Variants in FAM98B observed in about 807,000 individuals in gnomAD.
The protein encoded by FAM98B is tRNA splicing ligase complex subunit 3B, also known as tRNA-splicing ligase complex subunit FAM98B.
FAM98B carries 32 observed loss-of-function variants against 43.9 expected under a neutral mutation model. That is an observed-to-expected ratio of 0.73 (90% CI 0.55 to 0.98). The LOEUF (loss-of-function observed/expected upper bound fraction) is 0.98. FAM98B is among the 50% of genes least tolerant of loss of function. The pLI, the probability that FAM98B is intolerant of heterozygous loss-of-function variation, is 0.00. For missense variants in FAM98B, 514 were observed against 522.9 expected (o/e 0.98, Z 0.17); for synonymous variants, 190 against 174.0 (o/e 1.09, Z -0.72).
intron 4 of FAM98B, among the ~76,000 whole-genome samples, chr15:38,471,964 G>A (rs1236556577): frequency 6.6e-6 from 1 of 152,126 alleles, no homozygotes; most frequent in Non-Finnish European, 1.5e-5. Flanking sequence ...CCGTGGTTAT[G>A]GGTAATACAT....
chr15:38,481,553 T>A, intron 7 of FAM98B, 94 bp downstream of exon 7: 1 of 1,613,156 alleles, frequency 6.2e-7, no homozygotes, highest in Middle Eastern at 1.7e-4. Context: ...CATGTCCTGG[T>A]AAATGTTTAG....
chr15:38,474,216 G>T lies in FAM98B; in HGVS notation c.647G>T (p.Cys216Phe). The T allele has an allele frequency of 1.2e-6, 2 of 1,613,786 alleles. No individual in the cohort carries two copies. The highest frequency in any genetic ancestry group is 1.7e-6 in the Non-Finnish European group (2 of 1,179,776). ...QLERINDALS[C>F]EYECRRRMLM... is the part of the protein sequence containing the mutation. The stretch of plus-strand genomic sequence containing the variant: ...GAAAGAATCAATGATGCTCTTTCCT[G>T]TGAATATGAGTGCCGCCGACGAATG... The change falls in exon 6 of 8, where the codon TGT becomes TTT. Residue 216 changes from cysteine to phenylalanine, a missense_variant. Physicochemically the swap from Cys to Phe is radical, Grantham distance 205 (BLOSUM62 -2). Transcript: ENST00000397609.
chr15:38,457,715 C>G (rs1595795260), intron 1 of FAM98B, among the ~76,000 whole-genome samples: 1 of 152,156 alleles, frequency 6.6e-6, no homozygotes, highest in South Asian at 2.1e-4. Context: ...GAGAGGAAAA[C>G]TGAGCAAAGG....
chr15:38,469,295 G>A (rs1202908488), intron 3 of FAM98B, among the ~76,000 whole-genome samples: 1 of 152,152 alleles, frequency 6.6e-6, no homozygotes, highest in Admixed American at 6.5e-5. Context: ...CTTAAATATG[G>A]CTATTGAAAG....
At chr15:38,462,120 CTA>C (rs1232175026) in intron 1 of FAM98B, among the ~76,000 whole-genome samples, 1 of 150,734 alleles carries the variant, frequency 6.6e-6, no homozygotes, top group Non-Finnish European at 1.5e-5. Flanking sequence ...GATCTCTACT[CTA>C]TGTAAATGTA....
intron 1 of FAM98B, among the ~76,000 whole-genome samples, chr15:38,461,898 G>A (rs1281028277): frequency 6.6e-6 from 1 of 152,032 alleles, no homozygotes; most frequent in Non-Finnish European, 1.5e-5. Flanking sequence ...ATCTGGCAAA[G>A]TTATGTATCT....
chr15:38,471,050 G>A (rs1283060401), intron 4 of FAM98B, among the ~76,000 whole-genome samples: 1 of 151,490 alleles, frequency 6.6e-6, no homozygotes, highest in Non-Finnish European at 1.5e-5. Flanking sequence ...CTAGTTCCTG[G>A]GTTTCATTTG....
chr15:38,484,977 T>G lies in FAM98B; in HGVS notation c.*318T>G, dbSNP rs189235543. ...CAGACTTGGAAAATGGAAAGTATTT[T>G]ATTGTCATGATTGAATTTAGATTGT... On this transcript the variant is annotated 3_prime_UTR_variant, in exon 8 of 8. Coordinates refer to ENST00000397609, the MANE Select transcript of FAM98B (RefSeq NM_173611.4). 994 of 238,520 alleles carry G rather than the reference T, an allele frequency of 4.2e-3. 2 individuals are homozygous for G. Among genetic ancestry groups the G allele is most frequent in the Non-Finnish European group, 5.7e-3 (732 of 127,464 alleles). 14.8% of individuals were successfully genotyped at this position (238,520 alleles called of 1,614,324 possible).
intron 1 of FAM98B, among the ~76,000 whole-genome samples, chr15:38,460,261 G>A (rs1027349935): frequency 3.3e-5 from 5 of 152,196 alleles, no homozygotes; most frequent in Non-Finnish European, 5.9e-5. Context: ...CTCTGTAAAC[G>A]CAGAATGGCA....
chr15:38,463,869 T>C (rs918051064), intron 1 of FAM98B, among the ~76,000 whole-genome samples, 163 bp from the exon 2 acceptor site: 1 of 152,220 alleles, frequency 6.6e-6, no homozygotes, highest in Non-Finnish European at 1.5e-5. Flanking sequence ...TCCATTGTAG[T>C]GTGGAAACAG....
rs1193881969 is a variant in FAM98B, at chr15:38,470,313, T to TATCAGGAAGTTC, written c.441_452dup (p.Val150_Gln151insHisGlnGluVal). ...TCAATTAGATAAAAATAGTGAAGTT[T>TATCAGGAAGTTC]ATCAGGAAGTTCAAGCTATGTTTGA... On this transcript the variant is annotated inframe_insertion, in exon 4 of 8. Transcript: ENST00000397609. The TATCAGGAAGTTC allele has an allele frequency of 6.2e-7, 1 of 1,605,450 alleles. No individual in the cohort carries two copies. The highest frequency in any genetic ancestry group is 2.2e-5 in the East Asian group (1 of 44,654).
Position 38,486,504 on chromosome 15 carries a change from A to G in FAM98B, c.*1845A>G, listed in dbSNP as rs1487748005. 6.6e-6 allele frequency: 1 copy of G among 152,182 alleles called. No homozygotes were observed. The highest frequency in any genetic ancestry group is 1.5e-5 in the Non-Finnish European group (1 of 67,992). The allele number at this position is 152,182 out of a possible 1,614,324, so 9.4% of individuals were successfully genotyped here. ...TCAACTTTTTTACCACTAAAGGTTT[A>G]TGGTAAATATGGCAGAAACAATAGT... On this transcript the variant is annotated 3_prime_UTR_variant, in exon 8 of 8. Coordinates refer to ENST00000397609, the MANE Select transcript of FAM98B (RefSeq NM_173611.4).
chr15:38,460,989 G>T (rs1316227344), intron 1 of FAM98B, among the ~76,000 whole-genome samples: 2 of 152,078 alleles, frequency 1.3e-5, no homozygotes, highest in African/African-American at 2.4e-5. Flanking sequence ...TTACTAGATG[G>T]TCAGGTATGT....
At chr15:38,479,182 G>T (rs1890249014) in intron 6 of FAM98B, among the ~76,000 whole-genome samples, 1 of 152,012 alleles carries the variant, frequency 6.6e-6, no homozygotes, top group Admixed American at 6.5e-5. Context: ...TGCCCAGGCT[G>T]GTCTCAAACT....
At chr15:38,460,193 C>T (rs1227416003) in intron 1 of FAM98B, among the ~76,000 whole-genome samples, 1 of 152,192 alleles carries the variant, frequency 6.6e-6, no homozygotes, top group Non-Finnish European at 1.5e-5. Flanking sequence ...TTTGGAATAA[C>T]AGTAGCACTT....
At chr15:38,465,958 G>A (rs1002668641) in intron 3 of FAM98B, among the ~76,000 whole-genome samples, 2 of 151,890 alleles carry the variant, frequency 1.3e-5, no homozygotes, top group African/African-American at 4.8e-5. Flanking sequence ...ATAAATAGTA[G>A]GTCCATGTTT....
At position 38,484,661 on chromosome 15, in the gene FAM98B, A is replaced by G. The variant is rs1890343587; in HGVS notation, c.*2A>G. Reference sequence around the variant, plus strand: ...GGAGGTGGATATAGAAGATACTAAAAACTATAAAAATTAGATAGCAGTGCT... The same window carrying G: ...GGAGGTGGATATAGAAGATACTAAAGACTATAAAAATTAGATAGCAGTGCT... On this transcript the variant is annotated 3_prime_UTR_variant, in exon 8 of 8. Coordinates refer to ENST00000397609, the MANE Select transcript of FAM98B (RefSeq NM_173611.4). The G allele has an allele frequency of 6.6e-7, 1 of 1,512,374 alleles. No individual in the cohort carries two copies. The highest frequency in any genetic ancestry group is 1.4e-5 in the African/African-American group (1 of 70,182). The allele number at this position is 1,512,374 out of a possible 1,614,324, so 93.7% of individuals were successfully genotyped here.
chr15:38,462,842 C>G (rs934004578), intron 1 of FAM98B, among the ~76,000 whole-genome samples: 1 of 152,122 alleles, frequency 6.6e-6, no homozygotes, highest in Non-Finnish European at 1.5e-5. Context: ...TTAAAAGAAT[C>G]GGGGCTCCTT....
At chr15:38,459,874 T>C (rs988927530) in intron 1 of FAM98B, among the ~76,000 whole-genome samples, 6 of 152,182 alleles carry the variant, frequency 3.9e-5, no homozygotes, top group African/African-American at 1.4e-4. Context: ...TAGCAAAATA[T>C]CCACTGTGTT....
Sources: allele counts gnomAD v4.1 joint callset (sites outside exome capture counted in the v4.1 genomes callset), GRCh38; gene constraint gnomAD v4.1.1; transcripts MANE v1.5; gene names NCBI Gene and HGNC (gene_info 2026-07-23, HGNC 2026-07-21).